GPSM1: variants seen among roughly 807,000 people sequenced by gnomAD.
GPSM1 encodes the protein G protein signaling modulator 1.
In GPSM1, 48 loss-of-function variants were observed where a neutral mutation model predicts 70.5. The ratio of observed to expected loss-of-function variants is 0.68; its 90% CI spans 0.54 to 0.87. GPSM1 has a LOEUF of 0.87. Ranked by LOEUF, GPSM1 falls within the 40% of genes least tolerant of loss-of-function variation. The pLI, the probability that GPSM1 is intolerant of heterozygous loss-of-function variation, is 0.00. For missense variants in GPSM1, 981 were observed against 972.6 expected (o/e 1.01, Z -0.11); for synonymous variants, 416 against 430.1 (o/e 0.97, Z 0.41).
At chr9:136,357,916 G>C in intron 13 of GPSM1, 98 bp from the exon 14 acceptor site, 2 of 921,594 alleles carry the variant, frequency 2.2e-6, no homozygotes, top group South Asian at 2.8e-5. Flanking sequence ...GGAAGCCCGT[G>C]AACAGTGCAC....
intron 9 of GPSM1, among the ~76,000 whole-genome samples, chr9:136,344,792 G>A (rs1832481021): frequency 6.6e-6 from 1 of 152,238 alleles, no homozygotes; most frequent in African/African-American, 2.4e-5. Flanking sequence ...GGAGCTGACG[G>A]AGCAAGGCGA....
Position 136,335,976 on chromosome 9 carries a change from G to T in GPSM1, c.301G>T (p.Asp101Tyr). Residue 101 changes from aspartate to tyrosine, a missense_variant, in exon 3 of 14, where the codon GAC becomes TAC. Asp to Tyr is a radical substitution (Grantham distance 160, BLOSUM62 -3). Coordinates refer to ENST00000440944, the MANE Select transcript of GPSM1 (RefSeq NM_001145638.3). ...CTCCCTGCCATCCAGGACCATCGGT[G>T]ACCGCATGGGGGAGGCCAAGGCCAG... ...HDLLLARTIG[D>Y]RMGEAKASGN... is the part of the protein sequence containing the mutation. 1 of 1,612,438 alleles carries T rather than the reference G, an allele frequency of 6.2e-7. No homozygotes were observed. Among genetic ancestry groups the T allele is most frequent in the Non-Finnish European group, 8.5e-7 (1 of 1,179,846 alleles).
In GPSM1 at chr9:136,334,648, G is replaced by A; in HGVS notation, c.270G>A (p.Lys90=). The change falls in exon 2 of 14, where the codon AAG becomes AAA. Residue 90 remains lysine (K), a synonymous_variant. Transcript: ENST00000440944. ...ACGGCCGGGCGCTGGAATACCACAA[G>A]CATGACCTCCTGCTGGCGCGGTGAG... ...KEHGRALEYH[K]HDLLLARTIG... is the part of the protein sequence containing the mutation. The A allele has an allele frequency of 6.2e-7, 1 of 1,611,876 alleles. No homozygotes were observed. The highest frequency in any genetic ancestry group is 8.5e-7 in the Non-Finnish European group (1 of 1,179,770).
chr9:136,332,661 C>T (rs1050440819), intron 1 of GPSM1, among the ~76,000 whole-genome samples: 5 of 152,062 alleles, frequency 3.3e-5, no homozygotes, highest in East Asian at 1.9e-4. Context: ...GTCATGGCGA[C>T]GGTGGGCTCC....
Position 136,356,342 on chromosome 9 carries a change from C to T in GPSM1, c.1613C>T (p.Ala538Val). Residue 538 changes from alanine to valine, a missense_variant and splice_region_variant, in exon 13 of 14, where the codon GCC becomes GTC. Coordinates refer to ENST00000440944, the MANE Select transcript of GPSM1 (RefSeq NM_001145638.3). Reference protein sequence around the residue: ...TAAPTLEDRIAQPSMTASPQT... With the variant: ...TAAPTLEDRIVQPSMTASPQT... ...GGTCTCACCCTCTGGCCCCCCGCAG[C>T]CCAGCCCTCGATGACGGCCTCGCCC... 1 of 1,578,594 alleles carries T rather than the reference C, an allele frequency of 6.3e-7. No individual in the cohort carries two copies. Among genetic ancestry groups the T allele is most frequent in the South Asian group, 1.1e-5 (1 of 87,480 alleles).
intron 6 of GPSM1, among the ~76,000 whole-genome samples, 161 bp downstream of exon 6, chr9:136,338,122 A>C (rs1832294058): frequency 6.6e-6 from 1 of 152,186 alleles, no homozygotes. Context: ...CAGACGGACA[A>C]AGCTCATGGG....
chr9:136,358,405 C>G lies in GPSM1; in HGVS notation c.*185C>G. Reference sequence around the variant, plus strand: ...GTGGTGGGAGGGCGTGCTTCCATCCCGGGCTGGCCCCCATGGCCCTCAGCT... The same window carrying G: ...GTGGTGGGAGGGCGTGCTTCCATCCGGGGCTGGCCCCCATGGCCCTCAGCT... On this transcript the variant is annotated 3_prime_UTR_variant, in exon 14 of 14. Transcript: ENST00000440944. 3.3e-6 allele frequency: 2 copies of G among 611,390 alleles called. No individual in the cohort carries two copies. Among genetic ancestry groups the G allele is most frequent in the Admixed American group, 6.6e-5 (2 of 30,398 alleles). The allele number at this position is 611,390 out of a possible 1,614,324, so 37.9% of individuals were successfully genotyped here.
chr9:136,349,663 G>A lies in GPSM1; in HGVS notation c.1355G>A (p.Ser452Asn). The A allele has an allele frequency of 1.5e-5, 24 of 1,552,230 alleles. No individual in the cohort carries two copies. Among genetic ancestry groups the A allele is most frequent in the Non-Finnish European group, 2.1e-5 (24 of 1,147,776 alleles). The change falls in exon 11 of 14, where the codon AGC becomes AAC. Residue 452 changes from serine (S) to asparagine (N), a missense_variant. Ser to Asn is a conservative substitution (Grantham distance 46). Transcript: ENST00000440944. Reference sequence around the variant, plus strand: ...GACTCGCTACCCCTCCCCGTGAGGAGCAGGAAGTACCAGGAAGGCCCGGAC... The same window carrying A: ...GACTCGCTACCCCTCCCCGTGAGGAACAGGAAGTACCAGGAAGGCCCGGAC... ...SRDSLPLPVRSRKYQEGPDAE... is the reference protein window; with the variant it reads ...SRDSLPLPVRNRKYQEGPDAE...
At chr9:136,349,383 G>A (rs1000225230) in intron 10 of GPSM1, among the ~76,000 whole-genome samples, 2 of 152,232 alleles carry the variant, frequency 1.3e-5, no homozygotes, top group African/African-American at 4.8e-5. Context: ...ATTTGCGGGG[G>A]CCACTGGCCC....
Position 136,348,783 on chromosome 9 carries a change from G to A in GPSM1, c.1278+16G>A, listed in dbSNP as rs782224445. 92 of 1,595,832 alleles carry A rather than the reference G, an allele frequency of 5.8e-5. No individual in the cohort carries two copies. The highest frequency in any genetic ancestry group is 7.2e-5 in the Non-Finnish European group (84 of 1,165,798). ...CCTGGAGCGGGTGAGCCAGGGACAC[G>A]GGACCGATGTCAGCACAGCCGCTGC... On this transcript the variant is annotated intron_variant, in intron 10 of 13. Transcript: ENST00000440944.
intron 1 of GPSM1, among the ~76,000 whole-genome samples, chr9:136,328,105 G>A (rs1429056569): frequency 1.3e-5 from 2 of 152,178 alleles, no homozygotes; most frequent in Non-Finnish European, 2.9e-5. Flanking sequence ...GCACTCAGGG[G>A]CATCATGGCC....
At chr9:136,333,378 G>C (rs1260098601) in intron 1 of GPSM1, among the ~76,000 whole-genome samples, 1 of 151,824 alleles carries the variant, frequency 6.6e-6, no homozygotes, top group Non-Finnish European at 1.5e-5. Context: ...AGGCCCCAGA[G>C]CAGGCAGCAG....
intron 1 of GPSM1, among the ~76,000 whole-genome samples, chr9:136,329,942 C>T (rs563882917): frequency 3.2e-5 from 4 of 125,980 alleles, no homozygotes; most frequent in South Asian, 2.8e-4. Flanking sequence ...GGTGCTGGGT[C>T]GGTGGGGACG....
chr9:136,357,210 T>G (rs1832855009), intron 13 of GPSM1, among the ~76,000 whole-genome samples: 1 of 152,136 alleles, frequency 6.6e-6, no homozygotes, highest in South Asian at 2.1e-4. Flanking sequence ...CCCTGTGGGG[T>G]GCAGCCATTG....
Position 136,356,419 on chromosome 9 carries a change from G to C in GPSM1, c.1690G>C (p.Asp564His), listed in dbSNP as rs782068240. Residue 564 changes from aspartate to histidine, a missense_variant, in exon 13 of 14, where the codon GAC (aspartate) becomes CAC (histidine). By Grantham distance (81) the Asp-to-His change is moderately conservative. Coordinates refer to ENST00000440944, the MANE Select transcript of GPSM1 (RefSeq NM_001145638.3). ...LIASSQSRRL[D>H]DQRASVGSLP... The stretch of plus-strand genomic sequence containing the variant: ...CGCCAGCTCCCAGAGCCGCCGGCTG[G>C]ACGACCAGCGGGCCAGCGTGGGCAG... The C allele has an allele frequency of 3.1e-5, 50 of 1,610,468 alleles. No homozygotes were observed. In the South Asian group the frequency reaches 5.4e-4, roughly 17 times the overall value.
chr9:136,357,318 G>A (rs554049788), intron 13 of GPSM1, among the ~76,000 whole-genome samples: 3 of 152,306 alleles, frequency 2.0e-5, no homozygotes, highest in East Asian at 1.9e-4. Flanking sequence ...CAGGTCTGCC[G>A]TCCTCCCCAC....
In GPSM1 at chr9:136,342,879, AGGTGGGGCTTCAGCCCGGCGGGGACGC is replaced by A. The variant is rs1378349915; in HGVS notation, c.1207+1895_1207+1921del. The stretch of plus-strand genomic sequence containing the variant: ...GGGCAGGGAGGAGGAAGTCGTCTGG[AGGTGGGGCTTCAGCCCGGCGGGGACGC>A]GGTGGGGCGTGGCCTTGCTGTTGTG... On this transcript the variant is annotated intron_variant, in intron 9 of 13. Transcript: ENST00000440944. This position sits in a 1 kb window ranked among gnomAD's most constrained non-coding sequence, Gnocchi z 5.5. 8.6e-4 allele frequency among the ~76,000 whole-genome samples: 120 copies of A among 139,770 alleles called. 1 individual carries two copies. Among genetic ancestry groups the A allele is most frequent in the South Asian group, 5.0e-3 (21 of 4,200 alleles). 91.7% of individuals were successfully genotyped at this position (139,770 alleles called of 152,430 possible).
At chr9:136,330,817 C>G (rs1832081509) in intron 1 of GPSM1, among the ~76,000 whole-genome samples, 1 of 152,146 alleles carries the variant, frequency 6.6e-6, no homozygotes, top group Admixed American at 6.5e-5. Flanking sequence ...TGATGGCACC[C>G]CAGCCACCAC....
chr9:136,334,313 T>C (rs1243554921), intron 1 of GPSM1, 134 bp from the exon 2 acceptor site: 3 of 653,446 alleles, frequency 4.6e-6, no homozygotes, highest in Non-Finnish European at 8.0e-6. Context: ...AAGAGACACT[T>C]AGGTCTGTGA....
Sources: allele counts gnomAD v4.1 joint callset (sites outside exome capture counted in the v4.1 genomes callset), GRCh38; gene constraint gnomAD v4.1.1; non-coding constraint Gnocchi (gnomAD v3.1); transcripts MANE v1.5; gene names NCBI Gene and HGNC (gene_info 2026-07-23, HGNC 2026-07-21).